The following NTM variants were observed in gnomAD, a reference collection of about 807,000 sequenced individuals.
The protein encoded by NTM is neurotrimin, also known as IgLON family member 2.
A neutral mutation model predicts 42.1 loss-of-function variants in NTM; 13 were observed. The ratio of observed to expected loss-of-function variants is 0.31; its 90% CI spans 0.20 to 0.49. NTM has a LOEUF of 0.49. NTM is among the 20% of genes least tolerant of loss of function. The pLI, the probability that NTM is intolerant of heterozygous loss-of-function variation, is 0.99. For missense variants in NTM, 373 were observed against 452.8 expected (o/e 0.82, Z 1.60); for synonymous variants, 187 against 179.2 (o/e 1.04, Z -0.35).
At chr11:131,794,493 C>T in intron 1 of NTM, 1 of 946,048 alleles carries the variant, frequency 1.1e-6, no homozygotes, top group Non-Finnish European at 1.3e-6. Context: ...CTACTTTGTT[C>T]CTTGGGAGTC....
intron 1 of NTM, among the ~76,000 whole-genome samples, chr11:131,634,498 C>T (rs1470474705): frequency 2.0e-5 from 3 of 152,074 alleles, no homozygotes; most frequent in South Asian, 4.1e-4. Context: ...CTCCATGACG[C>T]TAATGCACTG....
At chr11:132,122,594 G>C (rs1161727227) in intron 2 of NTM, among the ~76,000 whole-genome samples, 1 of 152,164 alleles carries the variant, frequency 6.6e-6, no homozygotes, top group Non-Finnish European at 1.5e-5. Flanking sequence ...TGATAAAAGT[G>C]GTGCCTTTGG....
intron 1 of NTM, among the ~76,000 whole-genome samples, chr11:131,489,751 G>T (rs906557476): frequency 4.6e-5 from 7 of 152,164 alleles, no homozygotes; most frequent in African/African-American, 1.7e-4. Flanking sequence ...ATTACTAAAA[G>T]AAGCCACTTA....
intron 4 of NTM, among the ~76,000 whole-genome samples, chr11:132,268,685 T>C (rs1482443173): frequency 6.6e-6 from 1 of 151,594 alleles, no homozygotes; most frequent in Non-Finnish European, 1.5e-5. Context: ...TGTGTGTGTG[T>C]GTGTGTGTGT....
intron 1 of NTM, among the ~76,000 whole-genome samples, chr11:131,851,979 G>T (rs1481619794): frequency 6.6e-6 from 1 of 152,156 alleles, no homozygotes; most frequent in Non-Finnish European, 1.5e-5. Context: ...TGGAACCCGG[G>T]TCTGGGGTGC....
At chr11:132,325,788 C>T (rs1345218555) in intron 7 of NTM, among the ~76,000 whole-genome samples, 1 of 152,158 alleles carries the variant, frequency 6.6e-6, no homozygotes, top group Non-Finnish European at 1.5e-5. Context: ...CAACAATAGA[C>T]TGGATTAAGA....
rs545077372 is a variant in NTM, at chr11:131,847,671, T to C, written c.83-63893T>C. On this transcript the variant is annotated intron_variant, in intron 1 of 8. Transcript: ENST00000683400. The stretch of plus-strand genomic sequence containing the variant: ...GGTTTGATGAACCATTTCTTACCTC[T>C]AGTATTGATTCCCTAGTCATGCCTC... Among the ~76,000 whole-genome samples, 8 of 152,286 alleles carry C rather than the reference T, an allele frequency of 5.3e-5. No individual in the cohort carries two copies. The East Asian group carries it at 1.5e-3, about 29-fold the overall frequency.
intron 8 of NTM, among the ~76,000 whole-genome samples, chr11:132,334,463 G>A (rs899600590): frequency 2.6e-5 from 4 of 152,238 alleles, no homozygotes; most frequent in Non-Finnish European, 1.5e-5. Context: ...CATCCAGATG[G>A]GGAAGAGGTC....
chr11:131,443,693 A>G (rs1241166631), intron 1 of NTM, among the ~76,000 whole-genome samples: 1 of 152,196 alleles, frequency 6.6e-6, no homozygotes, highest in Non-Finnish European at 1.5e-5. Flanking sequence ...AGAAGCAGCT[A>G]TGGGAACTCA....
chr11:131,565,315 C>A (rs1339923802), intron 1 of NTM, among the ~76,000 whole-genome samples: 1 of 152,216 alleles, frequency 6.6e-6, no homozygotes, highest in Non-Finnish European at 1.5e-5. Flanking sequence ...TGTCTCTCTG[C>A]CTGGCATGGC....
intron 1 of NTM, among the ~76,000 whole-genome samples, chr11:131,860,050 A>T (rs2046471106): frequency 6.6e-6 from 1 of 152,158 alleles, no homozygotes. Flanking sequence ...CAGAGAGCTT[A>T]GTCACTCCTG....
At chr11:131,518,290 T>C (rs1164806218) in intron 1 of NTM, among the ~76,000 whole-genome samples, 1 of 152,184 alleles carries the variant, frequency 6.6e-6, no homozygotes, top group Non-Finnish European at 1.5e-5. Context: ...GAATGGGGAC[T>C]GGAACCTGGA....
chr11:131,878,892 C>G (rs1396012741), intron 1 of NTM, among the ~76,000 whole-genome samples: 1 of 151,818 alleles, frequency 6.6e-6, no homozygotes, highest in African/African-American at 2.4e-5. Context: ...GTTCCCACCA[C>G]CCCTAAATAC....
intron 1 of NTM, among the ~76,000 whole-genome samples, chr11:131,766,713 T>C (rs1011590858): frequency 3.3e-5 from 5 of 152,204 alleles, no homozygotes; most frequent in Non-Finnish European, 7.3e-5. Context: ...GTTATATATA[T>C]GTGTGATTTT....
At chr11:131,739,306 A>C (rs556676704) in intron 1 of NTM, among the ~76,000 whole-genome samples, 2 of 152,242 alleles carry the variant, frequency 1.3e-5, no homozygotes, top group South Asian at 4.2e-4. Context: ...AGAGCATTTT[A>C]AGGTTCAAAT....
intron 7 of NTM, among the ~76,000 whole-genome samples, chr11:132,320,730 G>A (rs1158260460): frequency 6.6e-6 from 1 of 152,014 alleles, no homozygotes; most frequent in Non-Finnish European, 1.5e-5. Flanking sequence ...GCAGGGCACA[G>A]ACAAACAAAA....
chr11:132,006,328 T>C (rs2070777694), intron 2 of NTM, among the ~76,000 whole-genome samples: 2 of 152,220 alleles, frequency 1.3e-5, no homozygotes, highest in African/African-American at 4.8e-5. Flanking sequence ...TGTGGTTTTT[T>C]TCCCTTCCTT....
At chr11:131,900,980 G>A (rs2053079808) in intron 1 of NTM, among the ~76,000 whole-genome samples, 1 of 152,162 alleles carries the variant, frequency 6.6e-6, no homozygotes, top group South Asian at 2.1e-4. Context: ...GCTCCAATAT[G>A]TGTTGTAAGG....
At chr11:131,651,285 C>G (rs1393401429) in intron 1 of NTM, among the ~76,000 whole-genome samples, 1 of 152,120 alleles carries the variant, frequency 6.6e-6, no homozygotes, top group Non-Finnish European at 1.5e-5. Context: ...CAGTAAGCAC[C>G]ACATAAATTC....
Sources: allele counts gnomAD v4.1 joint callset (sites outside exome capture counted in the v4.1 genomes callset), GRCh38; gene constraint gnomAD v4.1.1; transcripts MANE v1.5; gene names NCBI Gene and HGNC (gene_info 2026-07-23, HGNC 2026-07-21).